Variants in CAPN14 observed in about 807,000 individuals in gnomAD.
CAPN14 encodes calpain 14.
CAPN14 carries 94 observed loss-of-function variants against 101.3 expected under a neutral mutation model. The ratio of observed to expected loss-of-function variants is 0.93; its 90% CI spans 0.79 to 1.10. CAPN14 has a LOEUF of 1.10. CAPN14 is among the 50% of genes least tolerant of loss of function. The probability of loss-of-function intolerance (pLI) is 0.00; values close to 1 mark genes in which losing one functional copy is unlikely to be tolerated. For missense variants in CAPN14, 837 were observed against 828.4 expected (o/e 1.01, Z -0.13); for synonymous variants, 338 against 317.9 (o/e 1.06, Z -0.67).
chr2:31,177,459 T>TAAACCCCAGGCAATTG (rs1403427921), intron 19 of CAPN14, among the ~76,000 whole-genome samples: 72 of 152,300 alleles, frequency 4.7e-4, no homozygotes, highest in African/African-American at 1.6e-3. Flanking sequence ...GTCCTGAATT[T>TAAACCCCAGGCAATTG]AAACCCCAGG....
At chr2:31,229,173 G>T (rs528835308) in intron 1 of CAPN14, among the ~76,000 whole-genome samples, 1 of 152,152 alleles carries the variant, frequency 6.6e-6, no homozygotes, top group African/African-American at 2.4e-5. Context: ...TCAGGATAGG[G>T]GTCCCCTCTA....
At chr2:31,212,265 C>T (rs1281900458) in intron 1 of CAPN14, among the ~76,000 whole-genome samples, 1 of 150,842 alleles carries the variant, frequency 6.6e-6, no homozygotes, top group African/African-American at 2.4e-5. Flanking sequence ...AGCTGAGATC[C>T]CACCACTGCA....
At chr2:31,215,726 C>T (rs1202447931) in intron 1 of CAPN14, among the ~76,000 whole-genome samples, 1 of 151,708 alleles carries the variant, frequency 6.6e-6, no homozygotes. Context: ...CACTCCTGGG[C>T]TGGAAGACTT....
chr2:31,204,975 C>T (rs1476542119), intron 2 of CAPN14, among the ~76,000 whole-genome samples: 1 of 152,124 alleles, frequency 6.6e-6, no homozygotes, highest in African/African-American at 2.4e-5. Flanking sequence ...TGAGATCTGA[C>T]ACCGTCTCTA....
At chr2:31,179,060 CTATATATA>C (rs60701103) in intron 17 of CAPN14, among the ~76,000 whole-genome samples, 31 of 69,202 alleles carry the variant, frequency 4.5e-4, no homozygotes, top group African/African-American at 1.5e-3. Flanking sequence ...TTATTGAGTT[CTATATATA>C]TATATATATA....
Position 31,205,295 on chromosome 2 carries a change from G to T in CAPN14, c.153C>A (p.Ala51=). ...GCLFEDTSFP[A]TLSSIGSGSL... The stretch of plus-strand genomic sequence containing the variant: ...AGCCACTGCCGATGGAGCTCAGGGT[G>T]GCCGGGAAGCTGGTGTCTTCAAAGA... Residue 51 remains alanine (A), a synonymous_variant, in exon 2 of 22, where the codon GCC becomes GCA. Coordinates refer to ENST00000403897, the MANE Select transcript of CAPN14 (RefSeq NM_001145122.2). 6.4e-7 allele frequency: 1 copy of T among 1,550,470 alleles called. No individual in the cohort carries two copies. Among genetic ancestry groups the T allele is most frequent in the Non-Finnish European group, 8.7e-7 (1 of 1,146,978 alleles).
intron 16 of CAPN14, among the ~76,000 whole-genome samples, chr2:31,185,403 A>C (rs1313735369): frequency 6.6e-6 from 1 of 152,236 alleles, no homozygotes; most frequent in East Asian, 1.9e-4. Flanking sequence ...CATTTTGCCA[A>C]AATCTACAGT....
rs1443708 is a variant in CAPN14 at position 31,173,935 on chromosome 2, A to G, written c.*746T>C. The G allele has an allele frequency of 0.39, 59,932 of 152,050 alleles. 15,161 individuals are homozygous for G. Among genetic ancestry groups the G allele is most frequent in the African/African-American group, 0.72 (29,705 of 41,436 alleles). 9.4% of individuals were successfully genotyped at this position (152,050 alleles called of 1,614,324 possible). On this transcript the variant is annotated 3_prime_UTR_variant, in exon 22 of 22. Transcript: ENST00000403897. ...GTAGATAGACAGAGAATTTCTGGAC[A>G]GATTTGAAATGGATCTGATAGTCTA...
At chr2:31,193,390 C>A in intron 9 of CAPN14, 96 bp from the exon 10 acceptor site, 1 of 1,227,594 alleles carries the variant, frequency 8.1e-7, no homozygotes, top group East Asian at 2.6e-5. Context: ...GTGGGCATCC[C>A]AGCCCTCTCA....
chr2:31,220,567 G>A (rs553199102), upstream of CAPN14, among the ~76,000 whole-genome samples: 3 of 152,198 alleles, frequency 2.0e-5, no homozygotes, highest in Non-Finnish European at 4.4e-5. Context: ...GCTCACGCCT[G>A]TAATCCCAAC....
intron 12 of CAPN14, 117 bp downstream of exon 12, chr2:31,191,282 A>G (rs943524219): frequency 2.0e-6 from 2 of 1,000,148 alleles, no homozygotes; most frequent in Admixed American, 2.8e-5. Flanking sequence ...ATCATCTGGC[A>G]TTATCATAGC....
chr2:31,190,698 T>G (rs1681135200), intron 12 of CAPN14, among the ~76,000 whole-genome samples: 1 of 152,246 alleles, frequency 6.6e-6, no homozygotes, highest in African/African-American at 2.4e-5. Flanking sequence ...TTGAGAGTGT[T>G]CAGTATTCCT....
intron 17 of CAPN14, among the ~76,000 whole-genome samples, chr2:31,179,796 G>A (rs1259735278): frequency 6.6e-6 from 1 of 152,150 alleles, no homozygotes; most frequent in African/African-American, 2.4e-5. Context: ...GTTTTGATTA[G>A]CATTTCTCTG....
chr2:31,215,157 C>T lies in CAPN14; in HGVS notation c.-53+2299G>A, dbSNP rs143597956. On this transcript the variant is annotated intron_variant, in intron 1 of 21. Coordinates refer to ENST00000403897, the MANE Select transcript of CAPN14 (RefSeq NM_001145122.2). ...ACTCTTCTTTTTCTATCCATTCCCACGCTTTTAAAGAGCCAATCCTTCTGA... is the reference window on the plus strand; with the variant it reads ...ACTCTTCTTTTTCTATCCATTCCCATGCTTTTAAAGAGCCAATCCTTCTGA... Among the ~76,000 whole-genome samples the T allele has an allele frequency of 3.0e-3, 450 of 152,346 alleles. 2 individuals carry two copies. The highest frequency in any genetic ancestry group is 9.8e-3 in the African/African-American group (409 of 41,572).
In CAPN14 at chr2:31,174,363, C is replaced by T. The variant is rs2148668084; in HGVS notation, c.*318G>A. On this transcript the variant is annotated 3_prime_UTR_variant, in exon 22 of 22. Coordinates refer to ENST00000403897, the MANE Select transcript of CAPN14 (RefSeq NM_001145122.2). ...CCACAGAGGCAGTGTTGTATGGAGG[C>T]TAACCACACCAGCTCTGGAGTCAGA... is the stretch of plus-strand genomic sequence containing the variant. 1 of 496,194 alleles carries T rather than the reference C, an allele frequency of 2.0e-6. No homozygotes were observed. The highest frequency in any genetic ancestry group is 2.4e-5 in the South Asian group (1 of 41,518). 30.7% of individuals were successfully genotyped at this position (496,194 alleles called of 1,614,324 possible). A position where few individuals can be genotyped will look rare whatever the true frequency, so the allele number is the denominator to read the frequency against.
Position 31,199,480 on chromosome 2 carries a change from C to G in CAPN14, c.779G>C (p.Gly260Ala). 1 of 1,551,578 alleles carries G rather than the reference C, an allele frequency of 6.4e-7. No individual in the cohort carries two copies. Among genetic ancestry groups the G allele is most frequent in the South Asian group, 1.2e-5 (1 of 84,018 alleles). The change falls in exon 7 of 22, where the codon GGA becomes GCA. Residue 260 changes from glycine to alanine, a missense_variant. Transcript: ENST00000403897. ...CCAACCTCAACCCACCTTCCTGATT[C>G]CTGTGAGAGTATAGGCATGGCCTTC... Reference protein sequence around the residue: ...LVEGHAYTLTGIRKVTCKHRP... With the variant: ...LVEGHAYTLTAIRKVTCKHRP...
chr2:31,233,734 G>C (rs1683264488), intron 1 of CAPN14: 1 of 150,442 alleles, frequency 6.6e-6, no homozygotes, highest in African/African-American at 2.5e-5. Context: ...TGTGTAACCT[G>C]ATAGTGGATC....
At chr2:31,209,965 A>G (rs895999227) in intron 1 of CAPN14, among the ~76,000 whole-genome samples, 9 of 152,192 alleles carry the variant, frequency 5.9e-5, no homozygotes, top group Non-Finnish European at 1.2e-4. Flanking sequence ...GCCTGGTCCT[A>G]TGAGGTTGTC....
At position 31,178,542 on chromosome 2, in the gene CAPN14, C is replaced by A. The variant is rs1174237825; in HGVS notation, c.1748G>T (p.Arg583Met). Residue 583 changes from arginine (R) to methionine (M), a missense_variant, in exon 18 of 22, where the codon AGG (arginine) becomes ATG (methionine). Arg to Met is a moderately conservative substitution (Grantham distance 91). Coordinates refer to ENST00000403897, the MANE Select transcript of CAPN14 (RefSeq NM_001145122.2). Reference sequence around the variant, plus strand: ...GAGCTTCAGCTGCTTCCACAGGTCCCTGAATTCCTGGATGCTCATAGTACC... The same window carrying A: ...GAGCTTCAGCTGCTTCCACAGGTCCATGAATTCCTGGATGCTCATAGTACC... ...ASGTMSIQEF[R>M]DLWKQLKLSQ... 6.5e-7 allele frequency: 1 copy of A among 1,549,440 alleles called. No individual in the cohort carries two copies. Among genetic ancestry groups the A allele is most frequent in the Admixed American group, 2.0e-5 (1 of 50,534 alleles).
Sources: gnomAD v4.1 joint callset for allele counts (sites outside exome capture counted in the v4.1 genomes callset) on GRCh38, gnomAD v4.1.1 for gene constraint, MANE v1.5 for transcripts, NCBI Gene and HGNC (gene_info 2026-07-23, HGNC 2026-07-21) for gene names.